Variants in KRT7 observed in about 807,000 individuals in gnomAD.
KRT7 encodes keratin, type II cytoskeletal 7.
KRT7 carries 50 observed loss-of-function variants against 42.8 expected under a neutral mutation model. The observed-to-expected ratio is 1.17, with a 90% CI of 0.93 to 1.48. KRT7 has a LOEUF of 1.48. Ranked by LOEUF, KRT7 falls within the 40% of genes most tolerant of loss-of-function variation. The probability of loss-of-function intolerance (pLI) is 0.00; values close to 1 mark genes in which losing one functional copy is unlikely to be tolerated. For synonymous variants in KRT7, 268 were observed against 266.3 expected (o/e 1.01, Z -0.06); for missense variants, 588 against 637.6 (o/e 0.92, Z 0.84).
At chr12:52,250,571 GC>G, downstream of KRT7, 1 of 1,257,362 alleles carries the variant, frequency 8.0e-7, no homozygotes, top group Non-Finnish European at 1.1e-6. Context: ...TGCAGACGCT[GC>G]CCGTCACCGG....
rs376567055 is a variant in KRT7, at chr12:52,235,321, C to T, written c.491C>T (p.Ala164Val). ...ALQVDGGRLE[A>V]ELRSMQDVVE... ...CAGGTGGATGGGGGCCGCCTGGAGGCGGAGCTGCGGAGCATGCAGGATGTG... is the reference window on the plus strand; with the variant it reads ...CAGGTGGATGGGGGCCGCCTGGAGGTGGAGCTGCGGAGCATGCAGGATGTG... The change falls in exon 2 of 9, where the codon GCG (alanine) becomes GTG (valine). Residue 164 changes from alanine (A) to valine (V), a missense_variant. Physicochemically the swap from Ala to Val is moderately conservative, Grantham distance 64 (BLOSUM62 0). Transcript: ENST00000331817. 28 of 1,613,636 alleles carry T rather than the reference C, an allele frequency of 1.7e-5. No individual in the cohort carries two copies. The highest frequency in any genetic ancestry group is 1.6e-4 in the East Asian group (7 of 44,874).
chr12:52,250,063 GAGCCAGGC>G (rs970963810), downstream of KRT7, among the ~76,000 whole-genome samples: 1 of 152,128 alleles, frequency 6.6e-6, no homozygotes, highest in Admixed American at 6.5e-5. Flanking sequence ...GAGAGGGAGG[GAGCCAGGC>G]AGCCAGGCAG....
At chr12:52,252,177 G>T, downstream of KRT7, 1 of 1,505,204 alleles carries the variant, frequency 6.6e-7, no homozygotes, top group Non-Finnish European at 9.2e-7. Flanking sequence ...TAAATAATAT[G>T]CAGACATGCT....
intron 4 of KRT7, among the ~76,000 whole-genome samples, chr12:52,241,087 C>T (rs142036955): frequency 2.0e-5 from 3 of 152,232 alleles, no homozygotes; most frequent in East Asian, 1.9e-4. Context: ...GCCATATCAT[C>T]GGTGTACAGA....
At position 52,235,147 on chromosome 12, in the gene KRT7, C is replaced by T. The variant is rs181230635; in HGVS notation, c.325-8C>T. On this transcript the variant is annotated splice_polypyrimidine_tract_variant and splice_region_variant and intron_variant, in intron 1 of 8. Transcript: ENST00000331817. Reference sequence around the variant, plus strand: ...CCTCTTGAGTTTCCTCCTTCTCGCCCGTTCTAGGTGCGGTTTCTGGAGCAG... The same window carrying T: ...CCTCTTGAGTTTCCTCCTTCTCGCCTGTTCTAGGTGCGGTTTCTGGAGCAG... 2.3e-5 allele frequency: 37 copies of T among 1,613,650 alleles called. No individual in the cohort carries two copies. The highest frequency in any genetic ancestry group is 1.2e-4 in the Admixed American group (7 of 60,018).
downstream of KRT7, chr12:52,254,284 C>T (rs141667919): frequency 4.6e-5 from 45 of 971,560 alleles, 1 homozygote; most frequent in East Asian, 1.4e-3. Flanking sequence ...CATATAGCCG[C>T]CTCAGGAAGT....
In KRT7 at chr12:52,241,454, C is replaced by T. The variant is rs1304457959; in HGVS notation, c.694-18C>T. ...AGGATCCTGCCCTAAGTCCTGATGTCCCGTCTGGTCCCTACAGGAGTTGAC... is the reference window on the plus strand; with the variant it reads ...AGGATCCTGCCCTAAGTCCTGATGTTCCGTCTGGTCCCTACAGGAGTTGAC... On this transcript the variant is annotated intron_variant, in intron 4 of 8. Coordinates refer to ENST00000331817, the MANE Select transcript of KRT7 (RefSeq NM_005556.4). The T allele has an allele frequency of 3.1e-6, 5 of 1,590,828 alleles. No homozygotes were observed. The highest frequency in any genetic ancestry group is 3.4e-6 in the Non-Finnish European group (4 of 1,166,686).
Position 52,241,477 on chromosome 12 carries a change from G to A in KRT7, c.699G>A (p.Leu233=), listed in dbSNP as rs745420332. The A allele has an allele frequency of 6.2e-7, 1 of 1,611,056 alleles. No homozygotes were observed. Among genetic ancestry groups the A allele is most frequent in the Admixed American group, 1.7e-5 (1 of 59,778 alleles). Residue 233 remains leucine, a synonymous_variant, in exon 5 of 9, where the codon TTG becomes TTA. Coordinates refer to ENST00000331817, the MANE Select transcript of KRT7 (RefSeq NM_005556.4). The stretch of plus-strand genomic sequence containing the variant: ...GTCCCGTCTGGTCCCTACAGGAGTT[G>A]ACAGAGCTGCAGTCCCAGATCTCCG... ...NFLRTLNETE[L]TELQSQISDT... is the part of the protein sequence containing the mutation.
intron 4 of KRT7, 71 bp downstream of exon 4, chr12:52,238,846 C>A: frequency 1.0e-6 from 1 of 967,504 alleles, no homozygotes; most frequent in Non-Finnish European, 1.7e-6. Context: ...TGGTCCAGCC[C>A]CCCGCCTCTG....
intron 1 of KRT7, among the ~76,000 whole-genome samples, chr12:52,234,176 G>A (rs990817047): frequency 1.4e-5 from 2 of 147,540 alleles, no homozygotes; most frequent in East Asian, 2.1e-4. Context: ...TGGTCCTCCA[G>A]CCTCCCTTAG....
intron 3 of KRT7, among the ~76,000 whole-genome samples, chr12:52,238,231 A>C (rs1030961210): frequency 1.3e-5 from 2 of 152,190 alleles, no homozygotes; most frequent in African/African-American, 4.8e-5. Context: ...GCCCACCTGC[A>C]TCATAGTTAC....
chr12:52,254,965 G>A (rs1168406498), downstream of KRT7, among the ~76,000 whole-genome samples: 1 of 152,212 alleles, frequency 6.6e-6, no homozygotes, highest in East Asian at 1.9e-4. Flanking sequence ...GCTGTTGCTG[G>A]CCTGAGGATG....
chr12:52,244,061 A>G (rs1167587247), intron 6 of KRT7, among the ~76,000 whole-genome samples: 1 of 152,218 alleles, frequency 6.6e-6, no homozygotes, highest in Non-Finnish European at 1.5e-5. Context: ...AGGGCAGCTC[A>G]GCCTGTGCAG....
downstream of KRT7, chr12:52,252,546 C>T (rs994335258): frequency 5.1e-6 from 8 of 1,565,470 alleles, no homozygotes; most frequent in Non-Finnish European, 7.0e-6. Flanking sequence ...GCCAGGTAAC[C>T]ACTGACCACT....
Position 52,248,849 on chromosome 12 carries a change from G to C in KRT7, c.*89G>C. ...GCCTCCCATGCCTGGTCCCAAGACA[G>C]TGAGACAGTCTGGAAAGTGATGTCA... On this transcript the variant is annotated 3_prime_UTR_variant, in exon 9 of 9. Coordinates refer to ENST00000331817, the MANE Select transcript of KRT7 (RefSeq NM_005556.4). 7.7e-7 allele frequency: 1 copy of C among 1,292,404 alleles called. No individual in the cohort carries two copies. Among genetic ancestry groups the C allele is most frequent in the Non-Finnish European group, 1.0e-6 (1 of 974,072 alleles). 80.1% of individuals were successfully genotyped at this position (1,292,404 alleles called of 1,614,324 possible). A position where few individuals can be genotyped will look rare whatever the true frequency, so the allele number is the denominator to read the frequency against.
At chr12:52,233,725 C>A in intron 1 of KRT7, 105 bp downstream of exon 1, 1 of 1,112,570 alleles carries the variant, frequency 9.0e-7, no homozygotes, top group Non-Finnish European at 1.4e-6. Context: ...GGAGCACTGC[C>A]GCCCTTCTGT....
chr12:52,233,464 G>C lies in KRT7; in HGVS notation c.168G>C (p.Gly56=). Residue 56 remains glycine (G), a synonymous_variant, in exon 1 of 9, where the codon GGG becomes GGC. Coordinates refer to ENST00000331817, the MANE Select transcript of KRT7 (RefSeq NM_005556.4). ...GCGTGGCCGTGCGCTCTGCCTATGG[G>C]GGCCCGGTGGGCGCCGGCATCCGCG... ...RPRVAVRSAY[G]GPVGAGIREV... is the part of the protein sequence containing the mutation. 6.2e-7 allele frequency: 1 copy of C among 1,608,928 alleles called. No individual in the cohort carries two copies. Among genetic ancestry groups the C allele is most frequent in the Non-Finnish European group, 8.5e-7 (1 of 1,178,632 alleles).
At chr12:52,249,707 G>A (rs1252491761), downstream of KRT7, among the ~76,000 whole-genome samples, 1 of 152,150 alleles carries the variant, frequency 6.6e-6, no homozygotes, top group Non-Finnish European at 1.5e-5. Context: ...CAGCACATAT[G>A]ATGGGTACTG....
rs574877871 is a variant in KRT7 at position 52,245,693 on chromosome 12, C to T, written c.1205+61C>T. 1,072 of 1,595,694 alleles carry T rather than the reference C, an allele frequency of 6.7e-4. 11 individuals carry two copies. In the Middle Eastern group the frequency reaches 9.0e-3, roughly 13 times the overall value. ...GGGCTCCGTGGGGTTTGGGGCTTGA[C>T]ATTCATCCATTTACAAGCATTTCCT... On this transcript the variant is annotated intron_variant, in intron 7 of 8. Transcript: ENST00000331817.
Sources: gnomAD v4.1 joint callset for allele counts (sites outside exome capture counted in the v4.1 genomes callset) on GRCh38, gnomAD v4.1.1 for gene constraint, MANE v1.5 for transcripts, NCBI Gene and HGNC (gene_info 2026-07-23, HGNC 2026-07-21) for gene names.